RAB7A: variants seen among roughly 807,000 people sequenced by gnomAD.
RAB7A encodes the protein RAB7A, member RAS oncogene family.
In RAB7A, 2 loss-of-function variants were observed where a neutral mutation model predicts 24.5. That is an observed-to-expected ratio of 0.08 (90% CI 0.03 to 0.26). The LOEUF (loss-of-function observed/expected upper bound fraction) is 0.26. Ranked by LOEUF, RAB7A falls within the 10% of genes least tolerant of loss-of-function variation. RAB7A has a pLI of 1.00. For missense variants in RAB7A, 118 were observed against 255.7 expected (o/e 0.46, Z 3.67); for synonymous variants, 100 against 95.9 (o/e 1.04, Z -0.25).
chr3:128,760,853 A>G (rs905094227), intron 1 of RAB7A, among the ~76,000 whole-genome samples: 1 of 148,762 alleles, frequency 6.7e-6, no homozygotes, highest in African/African-American at 2.6e-5. Context: ...TGCCGGTCCC[A>G]TAGCGACTTC....
At chr3:128,772,144 C>G (rs923376315) in intron 1 of RAB7A, among the ~76,000 whole-genome samples, 1 of 152,138 alleles carries the variant, frequency 6.6e-6, no homozygotes. Context: ...TCAGTAATGT[C>G]GAAATGAACA....
chr3:128,742,868 G>A (rs1349713132), intron 1 of RAB7A, among the ~76,000 whole-genome samples: 1 of 152,252 alleles, frequency 6.6e-6, no homozygotes, highest in Non-Finnish European at 1.5e-5. Flanking sequence ...GCTTCGCCTA[G>A]CGGATCCCGT....
intron 1 of RAB7A, chr3:128,764,767 T>C: frequency 2.4e-6 from 2 of 821,870 alleles, no homozygotes; most frequent in South Asian, 1.3e-5. Context: ...CTTGATATCC[T>C]GAAGGAAGAT....
At chr3:128,746,233 T>C (rs754811345) in intron 1 of RAB7A, among the ~76,000 whole-genome samples, 1 of 152,180 alleles carries the variant, frequency 6.6e-6, no homozygotes, top group Non-Finnish European at 1.5e-5. Context: ...CAGTCTACTC[T>C]CTACTTCTGT....
intron 1 of RAB7A, among the ~76,000 whole-genome samples, chr3:128,759,971 A>G (rs999881808): frequency 6.6e-6 from 1 of 152,042 alleles, no homozygotes. Flanking sequence ...CGGCCTCCCA[A>G]AGTGCTGGGA....
chr3:128,773,238 G>A (rs533714906), intron 1 of RAB7A, among the ~76,000 whole-genome samples: 10 of 151,230 alleles, frequency 6.6e-5, no homozygotes, highest in Admixed American at 2.0e-4. Flanking sequence ...CCCTCCGCCC[G>A]GCAGCCGCCC....
chr3:128,746,250 A>C (rs929010240), intron 1 of RAB7A, among the ~76,000 whole-genome samples: 3 of 152,102 alleles, frequency 2.0e-5, no homozygotes, highest in South Asian at 4.2e-4. Context: ...CTGTGGGTTC[A>C]ACTGTTTATT....
At chr3:128,794,034 T>C (rs2107610394) in intron 1 of RAB7A, among the ~76,000 whole-genome samples, 1 of 152,342 alleles carries the variant, frequency 6.6e-6, no homozygotes, top group Non-Finnish European at 1.5e-5. Flanking sequence ...TCCTGCCCTT[T>C]AGGACAGTAG....
intron 5 of RAB7A, among the ~76,000 whole-genome samples, chr3:128,808,059 C>G (rs1325839508): frequency 6.6e-6 from 1 of 151,784 alleles, no homozygotes; most frequent in Admixed American, 6.6e-5. Flanking sequence ...CTAGTTTGGG[C>G]TTAAAAAAAA....
chr3:128,742,007 C>T (rs770697838), intron 1 of RAB7A, among the ~76,000 whole-genome samples: 12 of 152,140 alleles, frequency 7.9e-5, no homozygotes, highest in East Asian at 1.9e-4. Context: ...AGAATGAAGC[C>T]GCAGACCCTA....
intron 1 of RAB7A, chr3:128,749,198 C>T (rs1281864314): frequency 6.6e-6 from 1 of 152,204 alleles, no homozygotes; most frequent in East Asian, 1.9e-4. Flanking sequence ...CTTTCTGTGG[C>T]CATACTCTAG....
intron 1 of RAB7A, among the ~76,000 whole-genome samples, chr3:128,739,807 C>T (rs751711454): frequency 6.6e-6 from 1 of 152,200 alleles, no homozygotes; most frequent in South Asian, 2.1e-4. Flanking sequence ...CAGTGGTTCA[C>T]GCCTGTAATC....
chr3:128,809,303 G>A (rs1391234132), intron 5 of RAB7A, among the ~76,000 whole-genome samples: 1 of 152,230 alleles, frequency 6.6e-6, no homozygotes, highest in Non-Finnish European at 1.5e-5. Context: ...AGCAATGTGG[G>A]CTTGCTTTCT....
intron 1 of RAB7A, among the ~76,000 whole-genome samples, chr3:128,746,496 T>A (rs963931926): frequency 1.3e-5 from 2 of 151,894 alleles, no homozygotes; most frequent in African/African-American, 4.8e-5. Context: ...GGTTCAACAT[T>A]TTTATTTATT....
chr3:128,806,401 C>T lies in RAB7A; in HGVS notation c.210C>T (p.Phe70=), dbSNP rs2107615650. The T allele has an allele frequency of 6.2e-7, 1 of 1,613,906 alleles. No homozygotes were observed. Among genetic ancestry groups the T allele is most frequent in the Non-Finnish European group, 8.5e-7 (1 of 1,179,912 alleles). The change falls in exon 4 of 6, where the codon TTC becomes TTT. Residue 70 remains phenylalanine (F), a synonymous_variant. Transcript: ENST00000265062. ...GGGACACAGCAGGACAGGAACGGTT[C>T]CAGTCTCTCGGTGTGGCCTTCTACA... ...QIWDTAGQER[F]QSLGVAFYRG...
At chr3:128,780,915 T>TTTTGTTAGAAGAAAA (rs1933203703) in intron 1 of RAB7A, among the ~76,000 whole-genome samples, 3 of 152,334 alleles carry the variant, frequency 2.0e-5, no homozygotes, top group African/African-American at 7.2e-5. Context: ...ACAAAGGGCA[T>TTTTGTTAGAAGAAAA]TTTTGCCCTA....
intron 3 of RAB7A, among the ~76,000 whole-genome samples, chr3:128,802,662 C>G (rs574210805): frequency 1.3e-5 from 2 of 151,770 alleles, no homozygotes; most frequent in African/African-American, 2.4e-5. Context: ...TGTGTGCCAC[C>G]ACGCCCAGCT....
intron 1 of RAB7A, among the ~76,000 whole-genome samples, chr3:128,744,058 G>A (rs1424939737): frequency 2.0e-5 from 3 of 151,662 alleles, no homozygotes; most frequent in Admixed American, 6.6e-5. Context: ...CAAAGTGTTG[G>A]GATTACAGGT....
intron 1 of RAB7A, among the ~76,000 whole-genome samples, chr3:128,751,255 A>T (rs144326899): frequency 2.7e-4 from 41 of 152,282 alleles, no homozygotes; most frequent in African/African-American, 9.6e-4. Flanking sequence ...CAGACCCCAG[A>T]ATAGTAGATG....
Sources: gnomAD v4.1 joint callset for allele counts (sites outside exome capture counted in the v4.1 genomes callset) on GRCh38, gnomAD v4.1.1 for gene constraint, MANE v1.5 for transcripts, NCBI Gene and HGNC (gene_info 2026-07-23, HGNC 2026-07-21) for gene names.